The following GIPC2 variants were observed in gnomAD, a reference collection of about 807,000 sequenced individuals.
GIPC2 encodes the protein PDZ domain-containing protein GIPC2.
In GIPC2, 30 loss-of-function variants were observed where a neutral mutation model predicts 30.6. The ratio of observed to expected loss-of-function variants is 0.98; its 90% CI spans 0.73 to 1.33. GIPC2 has a LOEUF of 1.33. Ranked by LOEUF, GIPC2 falls within the 40% of genes most tolerant of loss-of-function variation. GIPC2 has a pLI of 0.00. For synonymous variants in GIPC2, 167 were observed against 150.0 expected (o/e 1.11, Z -0.83); for missense variants, 414 against 390.3 (o/e 1.06, Z -0.51).
intron 4 of GIPC2, among the ~76,000 whole-genome samples, chr1:78,120,813 G>C (rs916007879): frequency 6.6e-6 from 1 of 152,138 alleles, no homozygotes; most frequent in African/African-American, 2.4e-5. Context: ...CTCCCACCGG[G>C]TCCCTCCCAC....
At chr1:78,059,093 A>G (rs1165322408) in intron 1 of GIPC2, among the ~76,000 whole-genome samples, 1 of 152,208 alleles carries the variant, frequency 6.6e-6, no homozygotes, top group Non-Finnish European at 1.5e-5. Flanking sequence ...GTTGCCTCTT[A>G]GAATCACCTT....
chr1:78,051,063 A>C (rs1314273947), intron 1 of GIPC2, among the ~76,000 whole-genome samples: 1 of 152,142 alleles, frequency 6.6e-6, no homozygotes, highest in Non-Finnish European at 1.5e-5. Flanking sequence ...ACCATGATAT[A>C]TTTTCCTAAT....
intron 1 of GIPC2, among the ~76,000 whole-genome samples, chr1:78,055,537 C>G (rs1205288179): frequency 2.0e-5 from 3 of 152,152 alleles, no homozygotes; most frequent in African/African-American, 7.2e-5. Context: ...CTCAGCCTCT[C>G]TCTCTCCCTG....
intron 2 of GIPC2, 129 bp downstream of exon 2, chr1:78,080,989 G>T: frequency 2.0e-6 from 1 of 489,484 alleles, no homozygotes; most frequent in Non-Finnish European, 3.6e-6. Context: ...AATTGGTAAT[G>T]TTTCACTTTC....
chr1:78,119,720 A>G (rs912381138), intron 4 of GIPC2, among the ~76,000 whole-genome samples: 2 of 152,170 alleles, frequency 1.3e-5, no homozygotes, highest in Non-Finnish European at 2.9e-5. Context: ...TCTAGACTCT[A>G]TAGACAGCTG....
chr1:78,133,933 T>C (rs143513965), intron 5 of GIPC2, among the ~76,000 whole-genome samples: 3 of 152,330 alleles, frequency 2.0e-5, no homozygotes, highest in African/African-American at 4.8e-5. Context: ...CCTTTTCACA[T>C]GTTCCCATCA....
At chr1:78,103,691 A>G (rs1261292277) in intron 3 of GIPC2, among the ~76,000 whole-genome samples, 3 of 152,210 alleles carry the variant, frequency 2.0e-5, no homozygotes, top group Admixed American at 1.3e-4. Context: ...GCAGACCATG[A>G]TGCATGCTAT....
At chr1:78,101,252 G>A (rs1662244966) in intron 3 of GIPC2, among the ~76,000 whole-genome samples, 1 of 152,136 alleles carries the variant, frequency 6.6e-6, no homozygotes, top group Non-Finnish European at 1.5e-5. Context: ...TGTCCCACGA[G>A]CAGATGTTCC....
Position 78,092,020 on chromosome 1 carries a change from A to G in GIPC2, c.427-2932A>G. On this transcript the variant is annotated intron_variant, in intron 2 of 5. Coordinates refer to ENST00000370759, the MANE Select transcript of GIPC2 (RefSeq NM_017655.6). ...ACATTTTGTCCATAAGTGCTTCATC[A>G]GGACTCATCGCCCTCCTGTCTACTG... 8 of 1,525,896 alleles carry G rather than the reference A, an allele frequency of 5.2e-6. No individual in the cohort carries two copies. The Middle Eastern group carries it at 1.9e-3, about 354-fold the overall frequency. 94.5% of individuals were successfully genotyped at this position (1,525,896 alleles called of 1,614,324 possible).
At chr1:78,045,193 T>C, upstream of GIPC2, 2 of 449,142 alleles carry the variant, frequency 4.5e-6, no homozygotes, top group Non-Finnish European at 5.9e-6. Flanking sequence ...ATTTCAGTAG[T>C]GTGGGGGCAA....
At chr1:78,053,761 A>AC (rs1361374659) in intron 1 of GIPC2, among the ~76,000 whole-genome samples, 1 of 136,474 alleles carries the variant, frequency 7.3e-6, no homozygotes, top group Non-Finnish European at 1.7e-5. Flanking sequence ...AAAAAAAAAA[A>AC]AAAAGCCAAA....
chr1:78,061,851 A>T (rs935324977), intron 1 of GIPC2, among the ~76,000 whole-genome samples: 1 of 152,120 alleles, frequency 6.6e-6, no homozygotes, highest in African/African-American at 2.4e-5. Flanking sequence ...TCCTGACCTC[A>T]GGTTATCTGC....
intron 1 of GIPC2, among the ~76,000 whole-genome samples, chr1:78,062,119 T>A (rs575957952): frequency 6.6e-6 from 1 of 152,350 alleles, no homozygotes; most frequent in East Asian, 1.9e-4. Context: ...AGTTACAGTG[T>A]TAAAGTAGCC....
intron 1 of GIPC2, among the ~76,000 whole-genome samples, chr1:78,077,996 G>A (rs982823964): frequency 2.8e-4 from 42 of 151,632 alleles, no homozygotes; most frequent in African/African-American, 8.2e-4. Flanking sequence ...AGACCATCCC[G>A]GCTAAAACGG....
At chr1:78,074,704 T>C (rs1424386021) in intron 1 of GIPC2, among the ~76,000 whole-genome samples, 2 of 152,244 alleles carry the variant, frequency 1.3e-5, no homozygotes, top group African/African-American at 4.8e-5. Context: ...TCTTTTTCTC[T>C]TCTTTCTATT....
intron 2 of GIPC2, among the ~76,000 whole-genome samples, chr1:78,086,824 G>A (rs932898174): frequency 6.6e-6 from 1 of 151,884 alleles, no homozygotes; most frequent in Non-Finnish European, 1.5e-5. Flanking sequence ...TTGAATCTTG[G>A]GTGTTATTTT....
chr1:78,129,909 A>G (rs1255056139), intron 5 of GIPC2, among the ~76,000 whole-genome samples: 1 of 152,130 alleles, frequency 6.6e-6, no homozygotes, highest in Non-Finnish European at 1.5e-5. Flanking sequence ...AGATCCTGAG[A>G]TGTGTGGAAA....
chr1:78,070,434 C>T (rs1193413433), intron 1 of GIPC2, among the ~76,000 whole-genome samples: 1 of 152,080 alleles, frequency 6.6e-6, no homozygotes, highest in African/African-American at 2.4e-5. Flanking sequence ...TTTATGATGT[C>T]TTTCAAATTG....
intron 5 of GIPC2, among the ~76,000 whole-genome samples, chr1:78,134,448 T>C (rs1662964326): frequency 6.6e-6 from 1 of 151,696 alleles, no homozygotes; most frequent in African/African-American, 2.4e-5. Context: ...TCCCTCCCCA[T>C]TCCCATGCCA....
Sources: gnomAD v4.1 joint callset for allele counts (sites outside exome capture counted in the v4.1 genomes callset) on GRCh38, gnomAD v4.1.1 for gene constraint, MANE v1.5 for transcripts, NCBI Gene and HGNC (gene_info 2026-07-23, HGNC 2026-07-21) for gene names.